NBEA: variants seen among roughly 807,000 people sequenced by gnomAD.
NBEA encodes the protein lysosomal-trafficking regulator 2.
In NBEA, 44 loss-of-function variants were observed where a neutral mutation model predicts 343.4. The observed-to-expected ratio is 0.13, with a 90% confidence interval of 0.10 to 0.16. NBEA has a LOEUF of 0.16. Ranked by LOEUF, NBEA falls within the 10% of genes least tolerant of loss-of-function variation. The pLI is 1.00. For missense variants in NBEA, 2,555 were observed against 3,631.3 expected (o/e 0.70, Z 7.62); for synonymous variants, 1,175 against 1,238.7 (o/e 0.95, Z 1.08).
chr13:35,184,052 T>C lies in NBEA; in HGVS notation c.4908T>C (p.Phe1636=). Residue 1636 remains phenylalanine, a synonymous_variant, in exon 30 of 59, where the codon TTT becomes TTC. Coordinates refer to ENST00000379939, the MANE Select transcript of NBEA (RefSeq NM_001385012.1). The part of the protein sequence containing the change: ...FLAKLIPEQS[F]GHSFYKETPA... ...CCAAGTTAATTCCTGAGCAGAGCTTTGGCCACTCATTTTACAAAGGTAATA... is the reference window on the plus strand; with the variant it reads ...CCAAGTTAATTCCTGAGCAGAGCTTCGGCCACTCATTTTACAAAGGTAATA... 6.2e-7 allele frequency: 1 copy of C among 1,611,046 alleles called. No individual in the cohort carries two copies. Among genetic ancestry groups the C allele is most frequent in the Non-Finnish European group, 8.5e-7 (1 of 1,177,906 alleles).
chr13:35,219,731 G>T (rs2074258503), intron 33 of NBEA, among the ~76,000 whole-genome samples: 1 of 152,074 alleles, frequency 6.6e-6, no homozygotes, highest in Non-Finnish European at 1.5e-5. Flanking sequence ...AAGCTGGCTG[G>T]CTCAAGACTG....
Position 35,213,526 on chromosome 13 carries a change from A to G in NBEA, c.5648+2347A>G, listed in dbSNP as rs575246838. 1.8e-4 allele frequency among the ~76,000 whole-genome samples: 28 copies of G among 152,022 alleles called. No homozygotes were observed. In the South Asian group the frequency reaches 5.8e-3, roughly 32 times the overall value. On this transcript the variant is annotated intron_variant, in intron 33 of 58. Transcript: ENST00000379939. The stretch of plus-strand genomic sequence containing the variant: ...CATAAGTAATGGAGTATTTGGATCT[A>G]TTGCAAGTGGGGCTATATAGGTCTC...
chr13:35,173,665 A>C (rs2070650492), intron 27 of NBEA, 71 bp downstream of exon 27: 2 of 1,473,794 alleles, frequency 1.4e-6, no homozygotes, highest in East Asian at 4.7e-5. Flanking sequence ...GATGAGAACA[A>C]AGTGCCATGG....
intron 34 of NBEA, among the ~76,000 whole-genome samples, chr13:35,265,655 A>G (rs1399391167): frequency 1.3e-5 from 2 of 151,932 alleles, no homozygotes; most frequent in African/African-American, 2.4e-5. Context: ...TTGGCTATCC[A>G]TGTTTAGAAA....
At chr13:35,318,413 G>A (rs2037896292) in intron 36 of NBEA, among the ~76,000 whole-genome samples, 1 of 152,122 alleles carries the variant, frequency 6.6e-6, no homozygotes, top group South Asian at 2.1e-4. Context: ...TTATTGATTT[G>A]CATGTGTTGA....
chr13:35,295,157 ATATT>A (rs1222030230), intron 35 of NBEA, among the ~76,000 whole-genome samples: 1 of 148,488 alleles, frequency 6.7e-6, no homozygotes, highest in Non-Finnish European at 1.5e-5. Context: ...AATAAATATA[ATATT>A]TATTTGTTTA....
chr13:35,441,672 A>G (rs1374159222), intron 39 of NBEA, among the ~76,000 whole-genome samples: 16 of 152,114 alleles, frequency 1.1e-4, no homozygotes, highest in Non-Finnish European at 1.5e-5. Context: ...TGCCATGGGG[A>G]TACCAAAATC....
At chr13:35,000,614 G>T (rs1200361128) in intron 1 of NBEA, among the ~76,000 whole-genome samples, 1 of 98,888 alleles carries the variant, frequency 1.0e-5, no homozygotes, top group Non-Finnish European at 2.2e-5. Context: ...ACACACACAC[G>T]TTTTAAAAGC....
chr13:35,646,357 TATC>T lies in NBEA; in HGVS notation c.7770+11_7770+13del. 1 of 1,604,478 alleles carries T rather than the reference TATC, an allele frequency of 6.2e-7. No individual in the cohort carries two copies. Among genetic ancestry groups the T allele is most frequent in the Non-Finnish European group, 8.5e-7 (1 of 1,172,080 alleles). The stretch of plus-strand genomic sequence containing the variant: ...GCTCTGCCATGCACCTGGTAAGACA[TATC>T]AGCATGTTGAGATTTTTTTTTCTTT... On this transcript the variant is annotated intron_variant, in intron 51 of 58. Transcript: ENST00000379939.
At chr13:35,135,862 G>A (rs147738143) in intron 17 of NBEA, among the ~76,000 whole-genome samples, 11 of 151,886 alleles carry the variant, frequency 7.2e-5, no homozygotes, top group African/African-American at 2.7e-4. Flanking sequence ...TTTAACTTCT[G>A]GATTGAAGGT....
intron 8 of NBEA, among the ~76,000 whole-genome samples, chr13:35,067,630 T>C (rs2063703769): frequency 6.6e-6 from 1 of 152,116 alleles, no homozygotes; most frequent in African/African-American, 2.4e-5. Context: ...CTCCTAGTCA[T>C]ACAGATTTAT....
intron 41 of NBEA, among the ~76,000 whole-genome samples, chr13:35,523,631 G>A (rs1448165478): frequency 1.3e-5 from 2 of 152,038 alleles, no homozygotes; most frequent in African/African-American, 2.4e-5. Context: ...CTCTCCTGGG[G>A]GTTGTTTGAC....
intron 38 of NBEA, among the ~76,000 whole-genome samples, chr13:35,429,887 G>T (rs1371127225): frequency 1.3e-5 from 2 of 151,436 alleles, no homozygotes; most frequent in African/African-American, 4.9e-5. Flanking sequence ...GGCTGGTTTT[G>T]TATTTTTGCA....
chr13:35,176,299 C>A (rs758774964), intron 27 of NBEA, among the ~76,000 whole-genome samples: 5 of 152,104 alleles, frequency 3.3e-5, no homozygotes, highest in Non-Finnish European at 5.9e-5. Context: ...AAGTGCATAC[C>A]TATTATGGGC....
chr13:35,110,456 A>C (rs1334827050), intron 12 of NBEA, among the ~76,000 whole-genome samples: 1 of 152,078 alleles, frequency 6.6e-6, no homozygotes, highest in Non-Finnish European at 1.5e-5. Context: ...GCTATGAAGA[A>C]ATTTTTACAT....
chr13:35,599,636 C>G lies in NBEA; in HGVS notation c.7296+6189C>G, dbSNP rs183349666. 2.0e-5 allele frequency among the ~76,000 whole-genome samples: 3 copies of G among 152,296 alleles called. No homozygotes were observed. The East Asian group carries it at 5.8e-4, about 29-fold the overall frequency. ...TAAACTCTTAGGCTGCCCTAAGAAG[C>G]CTTGCAGTGTCACCTTGTCACGTTC... On this transcript the variant is annotated intron_variant, in intron 47 of 58. Coordinates refer to ENST00000379939, the MANE Select transcript of NBEA (RefSeq NM_001385012.1).
chr13:35,520,235 C>T (rs1383532514), intron 41 of NBEA, among the ~76,000 whole-genome samples: 4 of 152,208 alleles, frequency 2.6e-5, no homozygotes, highest in African/African-American at 9.7e-5. Context: ...GACTCTTGCT[C>T]TATAAGATCA....
In NBEA at chr13:35,668,527, G is replaced by A. The variant is rs910186482; in HGVS notation, c.8813+8G>A. 3 of 1,583,220 alleles carry A rather than the reference G, an allele frequency of 1.9e-6. No homozygotes were observed. In the East Asian group the frequency reaches 6.8e-5, roughly 36 times the overall value. Reference sequence around the variant, plus strand: ...CTTGTCCCATGACCAGAGGTGAGCTGCGTCAAGGACAAGTATCATCACTGA... The same window carrying A: ...CTTGTCCCATGACCAGAGGTGAGCTACGTCAAGGACAAGTATCATCACTGA... On this transcript the variant is annotated splice_region_variant and intron_variant, in intron 58 of 58. Coordinates refer to ENST00000379939, the MANE Select transcript of NBEA (RefSeq NM_001385012.1).
At chr13:35,371,003 A>G (rs1177669669) in intron 38 of NBEA, among the ~76,000 whole-genome samples, 2 of 151,954 alleles carry the variant, frequency 1.3e-5, no homozygotes, top group Non-Finnish European at 1.5e-5. Context: ...GGGTTTCCAT[A>G]TAAGTAGTTA....
Sources: gnomAD v4.1 joint callset for allele counts (sites outside exome capture counted in the v4.1 genomes callset) on GRCh38, gnomAD v4.1.1 for gene constraint, MANE v1.5 for transcripts, NCBI Gene and HGNC (gene_info 2026-07-23, HGNC 2026-07-21) for gene names.